The following SEMA5A variants were observed in gnomAD, a reference collection of about 807,000 sequenced individuals.
The protein encoded by SEMA5A is semaphorin 5A, also known as semaphorin-5A.
Under a neutral mutation model 135.5 loss-of-function variants are expected in SEMA5A, and 55 were observed. The ratio of observed to expected loss-of-function variants is 0.41; its 90% CI spans 0.33 to 0.51. SEMA5A has a LOEUF of 0.51. Ranked by LOEUF, SEMA5A falls within the 20% of genes least tolerant of loss-of-function variation. The pLI is 0.37. For missense variants in SEMA5A, 1,290 were observed against 1,419.9 expected (o/e 0.91, Z 1.47); for synonymous variants, 580 against 546.5 (o/e 1.06, Z -0.85).
intron 16 of SEMA5A, among the ~76,000 whole-genome samples, chr5:9,078,910 C>A (rs1037941119): frequency 2.0e-5 from 3 of 151,910 alleles, no homozygotes; most frequent in African/African-American, 7.3e-5. Context: ...TTGCAAAGAC[C>A]TGATGATTAG....
intron 2 of SEMA5A, among the ~76,000 whole-genome samples, chr5:9,408,834 A>T (rs200847384): frequency 7.0e-6 from 1 of 143,696 alleles, no homozygotes; most frequent in African/African-American, 2.8e-5. Context: ...ATTTTTAGTT[A>T]TTTTTTTTTT....
intron 2 of SEMA5A, among the ~76,000 whole-genome samples, chr5:9,429,386 T>G (rs1419050939): frequency 6.6e-6 from 1 of 152,204 alleles, no homozygotes; most frequent in East Asian, 1.9e-4. Context: ...TTATTACATC[T>G]TAGTCCCTTA....
chr5:9,337,700 C>T lies in SEMA5A; in HGVS notation c.224+13G>A, dbSNP rs758872849. 13 of 1,585,492 alleles carry T rather than the reference C, an allele frequency of 8.2e-6. No homozygotes were observed. The highest frequency in any genetic ancestry group is 1.1e-5 in the Non-Finnish European group (13 of 1,157,414). ...CAAAAATATCTGTGGTGGCAAAATACAATATCTCTCACCTTGCTCCTACAA... is the reference window on the plus strand; with the variant it reads ...CAAAAATATCTGTGGTGGCAAAATATAATATCTCTCACCTTGCTCCTACAA... On this transcript the variant is annotated intron_variant, in intron 4 of 22. Coordinates refer to ENST00000382496, the MANE Select transcript of SEMA5A (RefSeq NM_003966.3).
rs1363724926 is a variant in SEMA5A at position 9,382,587 on chromosome 5, GA to G, written c.-77-2565del. 3.9e-5 allele frequency among the ~76,000 whole-genome samples: 6 copies of G among 152,154 alleles called. No individual in the cohort carries two copies. The South Asian group carries it at 6.2e-4, about 16-fold the overall frequency. ...ATTGAAATTTTGAAATTGAAGAGTA[GA>G]AAAATTAAGGGTTAATTTCATGGAA... On this transcript the variant is annotated intron_variant, in intron 2 of 22. Coordinates refer to ENST00000382496, the MANE Select transcript of SEMA5A (RefSeq NM_003966.3).
At chr5:9,062,467 T>C (rs1737235792) in intron 18 of SEMA5A, among the ~76,000 whole-genome samples, 3 of 152,158 alleles carry the variant, frequency 2.0e-5, no homozygotes, top group South Asian at 2.1e-4. Flanking sequence ...TATTTATTTG[T>C]TTGTTTATTT....
intron 3 of SEMA5A, among the ~76,000 whole-genome samples, chr5:9,352,891 C>A (rs546141340): frequency 7.3e-4 from 111 of 151,960 alleles, no homozygotes; most frequent in African/African-American, 2.5e-3. Context: ...CTGCAAGGGC[C>A]AAAATATTTA....
chr5:9,205,055 T>C (rs1157910044), intron 8 of SEMA5A, among the ~76,000 whole-genome samples: 1 of 152,110 alleles, frequency 6.6e-6, no homozygotes, highest in Non-Finnish European at 1.5e-5. Flanking sequence ...CCAAAAAGTT[T>C]AGGGACCACT....
chr5:9,181,689 C>A (rs1431860925), intron 11 of SEMA5A, among the ~76,000 whole-genome samples: 1 of 152,112 alleles, frequency 6.6e-6, no homozygotes, highest in Non-Finnish European at 1.5e-5. Flanking sequence ...GAAACACGTT[C>A]CTCTGAGGTC....
chr5:9,274,002 A>C (rs1385538159), intron 5 of SEMA5A, among the ~76,000 whole-genome samples: 1 of 152,176 alleles, frequency 6.6e-6, no homozygotes, highest in Admixed American at 6.5e-5. Flanking sequence ...TTAACCTTAA[A>C]TGTAAATGGG....
chr5:9,513,100 T>C (rs1466381369), intron 1 of SEMA5A, among the ~76,000 whole-genome samples: 1 of 148,388 alleles, frequency 6.7e-6, no homozygotes, highest in Non-Finnish European at 1.5e-5. Context: ...AGCTGAGGAC[T>C]AGAGTAAATA....
At chr5:9,498,969 G>C (rs1436393282) in intron 1 of SEMA5A, among the ~76,000 whole-genome samples, 2 of 152,174 alleles carry the variant, frequency 1.3e-5, no homozygotes, top group East Asian at 3.8e-4. Context: ...CAAGCTATAA[G>C]GAACGTAATG....
chr5:9,107,053 T>TAC (rs1409863874), intron 16 of SEMA5A, among the ~76,000 whole-genome samples: 1 of 152,204 alleles, frequency 6.6e-6, no homozygotes, highest in Non-Finnish European at 1.5e-5. Flanking sequence ...AAAGCAGGCT[T>TAC]TACAGCAGCA....
chr5:9,448,482 G>T (rs2126697865), intron 1 of SEMA5A, among the ~76,000 whole-genome samples: 1 of 152,300 alleles, frequency 6.6e-6, no homozygotes, highest in Admixed American at 6.5e-5. Flanking sequence ...GTGGAATTGG[G>T]TTTATGTTTC....
intron 2 of SEMA5A, among the ~76,000 whole-genome samples, chr5:9,389,476 T>C (rs1756051402): frequency 6.6e-6 from 1 of 152,194 alleles, no homozygotes. Flanking sequence ...GCTGTCTCCC[T>C]TGCGTCTGCT....
chr5:9,326,841 G>A (rs1462250737), intron 4 of SEMA5A, among the ~76,000 whole-genome samples: 1 of 152,070 alleles, frequency 6.6e-6, no homozygotes, highest in African/African-American at 2.4e-5. Context: ...TGTAAAATTA[G>A]TTTGATTATC....
chr5:9,158,676 T>G (rs1743085974), intron 11 of SEMA5A, among the ~76,000 whole-genome samples: 1 of 152,144 alleles, frequency 6.6e-6, no homozygotes, highest in Admixed American at 6.5e-5. Context: ...TGTCCCCTAC[T>G]CATTATGCTA....
At chr5:9,145,108 C>T (rs1052911290) in intron 12 of SEMA5A, among the ~76,000 whole-genome samples, 7 of 151,766 alleles carry the variant, frequency 4.6e-5, no homozygotes, top group Admixed American at 6.6e-5. Context: ...GACTTTGAAT[C>T]CCAGCCTTCA....
chr5:9,522,301 G>A (rs1736877914), intron 1 of SEMA5A, among the ~76,000 whole-genome samples: 1 of 152,210 alleles, frequency 6.6e-6, no homozygotes, highest in Admixed American at 6.5e-5. Context: ...AGGAGAAGTA[G>A]GAGGGGAACG....
intron 2 of SEMA5A, among the ~76,000 whole-genome samples, chr5:9,406,059 C>T (rs186277849): frequency 2.9e-4 from 44 of 152,288 alleles, no homozygotes; most frequent in Non-Finnish European, 5.6e-4. Context: ...TTCTGCCTTA[C>T]GTAGTCAGAG....
Sources: gnomAD v4.1 joint callset for allele counts (sites outside exome capture counted in the v4.1 genomes callset) on GRCh38, gnomAD v4.1.1 for gene constraint, MANE v1.5 for transcripts, NCBI Gene and HGNC (gene_info 2026-07-23, HGNC 2026-07-21) for gene names.